Variants in SERAC1 observed in about 807,000 individuals in gnomAD.
SERAC1 encodes the protein protein SERAC1.
A neutral mutation model predicts 85.7 loss-of-function variants in SERAC1; 36 were observed. The observed-to-expected ratio is 0.42, with a 90% CI of 0.32 to 0.55. The LOEUF is 0.55. Among genes scored for constraint, SERAC1 ranks in the 20% least tolerant of loss-of-function variants. The pLI, the probability that SERAC1 is intolerant of heterozygous loss-of-function variation, is 0.11. For missense variants in SERAC1, 629 were observed against 796.2 expected (o/e 0.79, Z 2.53); for synonymous variants, 242 against 265.3 (o/e 0.91, Z 0.85).
chr6:158,117,235 TA>T lies in SERAC1; in HGVS notation c.1403+491del. 1 of 434,126 alleles carries T rather than the reference TA, an allele frequency of 2.3e-6. No individual in the cohort carries two copies. Among genetic ancestry groups the T allele is most frequent in the East Asian group, 3.9e-5 (1 of 25,436 alleles). 26.9% of individuals were successfully genotyped at this position (434,126 alleles called of 1,614,324 possible). A position where few individuals can be genotyped will look rare whatever the true frequency, so the allele number is the denominator to read the frequency against. The stretch of plus-strand genomic sequence containing the variant: ...TCCCGGAAAAGTTAACTGACTGGTC[TA>T]AGACTGCACAGCAAATCAAAGGTAG... On this transcript the variant is annotated intron_variant, in intron 13 of 16. Transcript: ENST00000647468. The surrounding 1 kb of genome is among the most constrained non-coding windows in gnomAD (Gnocchi z 4.3).
At chr6:158,166,928 C>A (rs1785611589) in intron 1 of SERAC1, among the ~76,000 whole-genome samples, 1 of 152,058 alleles carries the variant, frequency 6.6e-6, no homozygotes, top group Admixed American at 6.6e-5. Context: ...AGTCTCTCTG[C>A]CCCCACCAAA....
rs1238103138 is a variant in SERAC1 at position 158,109,716 on chromosome 6, A to G, written c.*1650T>C. On this transcript the variant is annotated 3_prime_UTR_variant, in exon 17 of 17. Transcript: ENST00000647468. ...TTTGTACACAAATGATCATGGTAGC[A>G]TTATTTATCATAGACAAAAATGAAC... 6.6e-6 allele frequency: 1 copy of G among 152,254 alleles called. No individual in the cohort carries two copies. The highest frequency in any genetic ancestry group is 1.5e-5 in the Non-Finnish European group (1 of 68,040). The allele number at this position is 152,254 out of a possible 1,614,324, so 9.4% of individuals were successfully genotyped here. A position where few individuals can be genotyped will look rare whatever the true frequency, so the allele number is the denominator to read the frequency against.
At chr6:158,149,311 C>G (rs1465573724) in intron 4 of SERAC1, among the ~76,000 whole-genome samples, 1 of 152,204 alleles carries the variant, frequency 6.6e-6, no homozygotes, top group Admixed American at 6.5e-5. Context: ...ATTCTTAACA[C>G]TATGCTCCAA....
intron 12 of SERAC1, among the ~76,000 whole-genome samples, chr6:158,118,327 A>G (rs769041432): frequency 7.2e-5 from 11 of 152,238 alleles, no homozygotes; most frequent in Non-Finnish European, 1.6e-4. Context: ...AATAAGTAGT[A>G]ATGGAACAAT....
Position 158,111,073 on chromosome 6 carries a change from C to T in SERAC1, c.*293G>A, listed in dbSNP as rs1583552696. The stretch of plus-strand genomic sequence containing the variant: ...ACAGATGGGAAAGGACACTCTCTCA[C>T]AGCAGCTTTGCTCCAGTCACCAAGC... On this transcript the variant is annotated 3_prime_UTR_variant, in exon 17 of 17. Transcript: ENST00000647468. 1 of 205,626 alleles carries T rather than the reference C, an allele frequency of 4.9e-6. No homozygotes were observed. Among genetic ancestry groups the T allele is most frequent in the East Asian group, 1.0e-4 (1 of 9,824 alleles). The allele number at this position is 205,626 out of a possible 1,614,324, so 12.7% of individuals were successfully genotyped here.
At chr6:158,138,053 A>AACAC (rs750068784) in intron 8 of SERAC1, among the ~76,000 whole-genome samples, 3 of 152,018 alleles carry the variant, frequency 2.0e-5, no homozygotes, top group African/African-American at 7.2e-5. Flanking sequence ...GTTAACTATG[A>AACAC]ACACACACAC....
chr6:158,149,763 C>CA (rs1785160687), intron 4 of SERAC1, among the ~76,000 whole-genome samples: 1 of 152,192 alleles, frequency 6.6e-6, no homozygotes, highest in Admixed American at 6.5e-5. Flanking sequence ...AGGTGACAGA[C>CA]ACAGGCGAGC....
chr6:158,140,188 T>C (rs1784883135), intron 8 of SERAC1, among the ~76,000 whole-genome samples: 1 of 152,200 alleles, frequency 6.6e-6, no homozygotes, highest in Non-Finnish European at 1.5e-5. Flanking sequence ...GCTAATGAGA[T>C]GACTGGTGGA....
At chr6:158,126,974 G>C (rs1165767988) in intron 10 of SERAC1, among the ~76,000 whole-genome samples, 1 of 151,592 alleles carries the variant, frequency 6.6e-6, no homozygotes, top group Non-Finnish European at 1.5e-5. Flanking sequence ...GATCCATTGA[G>C]CCTAGGAGTT....
At chr6:158,112,388 G>A (rs573851570) in intron 16 of SERAC1, 3 of 152,196 alleles carry the variant, frequency 2.0e-5, no homozygotes, top group Admixed American at 6.5e-5. Context: ...ACTCCAGCCT[G>A]GATGACAAAG....
intron 8 of SERAC1, among the ~76,000 whole-genome samples, chr6:158,141,454 G>C (rs1307685473): frequency 6.6e-6 from 1 of 152,192 alleles, no homozygotes; most frequent in East Asian, 1.9e-4. Flanking sequence ...AAGAAAACTA[G>C]TTGAATTGGA....
chr6:158,117,331 T>A lies in SERAC1; in HGVS notation c.1403+396A>T. On this transcript the variant is annotated intron_variant, in intron 13 of 16. Transcript: ENST00000647468. This position sits in a 1 kb window ranked among gnomAD's most constrained non-coding sequence, Gnocchi z 4.3. ...TTCCCATGTATACAACTGGCACAGATGACATACAAGGGAAATAGCAGCTGA... is the reference window on the plus strand; with the variant it reads ...TTCCCATGTATACAACTGGCACAGAAGACATACAAGGGAAATAGCAGCTGA... 1.6e-6 allele frequency: 1 copy of A among 614,966 alleles called. No individual in the cohort carries two copies. Among genetic ancestry groups the A allele is most frequent in the Non-Finnish European group, 2.8e-6 (1 of 355,780 alleles). The allele number at this position is 614,966 out of a possible 1,614,324, so 38.1% of individuals were successfully genotyped here. A position where few individuals can be genotyped will look rare whatever the true frequency, so the allele number is the denominator to read the frequency against.
At position 158,110,987 on chromosome 6, in the gene SERAC1, T is replaced by G. The variant is rs1784129696; in HGVS notation, c.*379A>C. ...TTTAGGTACTCTCTTAATGGCATTT[T>G]TATGGTAAGTTGAGTTACCTCAGAA... On this transcript the variant is annotated 3_prime_UTR_variant, in exon 17 of 17. Transcript: ENST00000647468. 6.4e-6 allele frequency: 1 copy of G among 156,968 alleles called. No individual in the cohort carries two copies. The highest frequency in any genetic ancestry group is 2.4e-5 in the African/African-American group (1 of 41,628). 9.7% of individuals were successfully genotyped at this position (156,968 alleles called of 1,614,324 possible).
In SERAC1 at chr6:158,109,848, A is replaced by C. The variant is rs73797638; in HGVS notation, c.*1518T>G. The C allele has an allele frequency of 6.6e-6, 1 of 152,174 alleles. No individual in the cohort carries two copies. The highest frequency in any genetic ancestry group is 1.9e-4 in the East Asian group (1 of 5,194). 9.4% of individuals were successfully genotyped at this position (152,174 alleles called of 1,614,324 possible). On this transcript the variant is annotated 3_prime_UTR_variant, in exon 17 of 17. Coordinates refer to ENST00000647468, the MANE Select transcript of SERAC1 (RefSeq NM_032861.4). ...AAATGAAGTAGTACTGATACATGCT[A>C]TATCATGAATGAACCTTGAAAACAT...
intron 12 of SERAC1, 102 bp downstream of exon 12, chr6:158,118,927 G>T: frequency 7.1e-7 from 1 of 1,409,954 alleles, no homozygotes; most frequent in South Asian, 1.4e-5. Flanking sequence ...AGAACTGCAT[G>T]GGAAAAAAAT....
chr6:158,124,540 T>A (rs1583568757), intron 10 of SERAC1, among the ~76,000 whole-genome samples: 1 of 152,292 alleles, frequency 6.6e-6, no homozygotes. Flanking sequence ...GTAATGCATA[T>A]GTTAATTCTC....
Position 158,120,341 on chromosome 6 carries a change from T to A in SERAC1, c.1166+84A>T. 7.5e-7 allele frequency: 1 copy of A among 1,326,576 alleles called. No homozygotes were observed. The highest frequency in any genetic ancestry group is 1.0e-6 in the Non-Finnish European group (1 of 977,126). The allele number at this position is 1,326,576 out of a possible 1,614,324, so 82.2% of individuals were successfully genotyped here. A position where few individuals can be genotyped will look rare whatever the true frequency, so the allele number is the denominator to read the frequency against. ...TTATAAGTTATTTAACTTATCTGAATTATGCAGAAATAAGTTAAAAATTTG... is the reference window on the plus strand; with the variant it reads ...TTATAAGTTATTTAACTTATCTGAAATATGCAGAAATAAGTTAAAAATTTG... On this transcript the variant is annotated intron_variant, in intron 11 of 16. Coordinates refer to ENST00000647468, the MANE Select transcript of SERAC1 (RefSeq NM_032861.4). This position sits in a 1 kb window ranked among gnomAD's most constrained non-coding sequence, Gnocchi z 4.4.
At chr6:158,122,391 C>T (rs1269834745) in intron 10 of SERAC1, among the ~76,000 whole-genome samples, 2 of 152,212 alleles carry the variant, frequency 1.3e-5, no homozygotes, top group Admixed American at 1.3e-4. Flanking sequence ...TTAGTACTCC[C>T]ATAATTTCCC....
intron 8 of SERAC1, among the ~76,000 whole-genome samples, chr6:158,136,043 C>T (rs1176511023): frequency 2.0e-5 from 3 of 152,138 alleles, no homozygotes; most frequent in Non-Finnish European, 4.4e-5. Context: ...ATCTCCTGAC[C>T]TCATGATCCG....
Sources: allele counts gnomAD v4.1 joint callset (sites outside exome capture counted in the v4.1 genomes callset), GRCh38; gene constraint gnomAD v4.1.1; non-coding constraint Gnocchi (gnomAD v3.1); transcripts MANE v1.5; gene names NCBI Gene and HGNC (gene_info 2026-07-23, HGNC 2026-07-21).